The following CMIP variants were observed in gnomAD, a reference collection of about 807,000 sequenced individuals.
CMIP encodes the protein c-Maf inducing protein, also known as C-Maf-inducing protein.
CMIP carries 13 observed loss-of-function variants against 97.3 expected under a neutral mutation model. The observed-to-expected ratio is 0.13, with a 90% CI of 0.09 to 0.21. CMIP has a LOEUF of 0.21. Ranked by LOEUF, CMIP falls within the 10% of genes least tolerant of loss-of-function variation. The pLI is 1.00. For synonymous variants in CMIP, 538 were observed against 436.3 expected (o/e 1.23, Z -2.91); for missense variants, 847 against 1,024.9 (o/e 0.83, Z 2.37).
At chr16:81,705,040 T>C (rs1907975072) in intron 18 of CMIP, among the ~76,000 whole-genome samples, 1 of 152,092 alleles carries the variant, frequency 6.6e-6, no homozygotes, top group African/African-American at 2.4e-5. Flanking sequence ...CTCAGTACTC[T>C]GCACAGGGCA....
At chr16:81,554,592 T>G (rs2090724701) in intron 1 of CMIP, among the ~76,000 whole-genome samples, 1 of 152,236 alleles carries the variant, frequency 6.6e-6, no homozygotes, top group African/African-American at 2.4e-5. Context: ...GAATTCATGT[T>G]TACCTCCAGA....
At chr16:81,554,616 G>A (rs561159677) in intron 1 of CMIP, among the ~76,000 whole-genome samples, 1 of 152,178 alleles carries the variant, frequency 6.6e-6, no homozygotes, top group Non-Finnish European at 1.5e-5. Context: ...CTACTTTCTG[G>A]CTCAGAGCTG....
chr16:81,709,469 C>G (rs1323287183), intron 20 of CMIP, among the ~76,000 whole-genome samples: 1 of 152,176 alleles, frequency 6.6e-6, no homozygotes, highest in East Asian at 1.9e-4. Context: ...GGATTCAAAC[C>G]CCAGTGCTTC....
intron 1 of CMIP, among the ~76,000 whole-genome samples, chr16:81,578,096 C>G (rs1340410245): frequency 6.6e-6 from 1 of 151,340 alleles, no homozygotes; most frequent in African/African-American, 2.4e-5. Context: ...CACCATCATC[C>G]CAATTACCAC....
chr16:81,465,727 G>A (rs1907163216), intron 1 of CMIP, among the ~76,000 whole-genome samples: 1 of 152,226 alleles, frequency 6.6e-6, no homozygotes, highest in Non-Finnish European at 1.5e-5. Flanking sequence ...TGGGCAGAGT[G>A]ACCCAGCACG....
At chr16:81,540,675 TGTGTGTG>T in intron 1 of CMIP, among the ~76,000 whole-genome samples, 1 of 151,184 alleles carries the variant, frequency 6.6e-6, no homozygotes, top group Non-Finnish European at 1.5e-5. Flanking sequence ...TGTGTGTGTG[TGTGTGTG>T]TGTTTGTTTT....
chr16:81,573,200 C>T (rs542174562), intron 1 of CMIP, among the ~76,000 whole-genome samples: 69 of 152,034 alleles, frequency 4.5e-4, no homozygotes, highest in Non-Finnish European at 7.6e-4. Flanking sequence ...AAACGTTAGC[C>T]GGGCGTGGTG....
chr16:81,465,890 G>A (rs1194203016), intron 1 of CMIP, among the ~76,000 whole-genome samples: 4 of 152,234 alleles, frequency 2.6e-5, no homozygotes, highest in Admixed American at 2.6e-4. Context: ...GCTGTGGGGT[G>A]AACCAAACAC....
At chr16:81,688,485 C>A (rs1057050903) in intron 10 of CMIP, among the ~76,000 whole-genome samples, 1 of 152,204 alleles carries the variant, frequency 6.6e-6, no homozygotes, top group African/African-American at 2.4e-5. Context: ...AACCTCTGAG[C>A]CTCCAGTTCG....
intron 1 of CMIP, chr16:81,464,106 G>A (rs1312304067): frequency 2.6e-5 from 4 of 152,398 alleles, no homozygotes; most frequent in African/African-American, 9.6e-5. Flanking sequence ...GTGATCTTCT[G>A]AGGGAGCCGC....
At position 81,707,091 on chromosome 16, in the gene CMIP, C is replaced by A; in HGVS notation, c.2268+7C>A. The A allele has an allele frequency of 6.2e-7, 1 of 1,612,156 alleles. No individual in the cohort carries two copies. The highest frequency in any genetic ancestry group is 8.5e-7 in the Non-Finnish European group (1 of 1,178,324). Reference sequence around the variant, plus strand: ...CACCTACGAAGATCTGAAGGTAATTCCCTCCTTCCTCCCCACTCTCCTCCC... The same window carrying A: ...CACCTACGAAGATCTGAAGGTAATTACCTCCTTCCTCCCCACTCTCCTCCC... On this transcript the variant is annotated splice_region_variant and intron_variant, in intron 20 of 20. Transcript: ENST00000537098.
intron 1 of CMIP, among the ~76,000 whole-genome samples, chr16:81,577,271 CCAT>C (rs1221417980): frequency 4.0e-5 from 6 of 150,566 alleles, no homozygotes; most frequent in Non-Finnish European, 5.9e-5. Context: ...ACCATCACCA[CCAT>C]CATCACCATC....
At chr16:81,619,701 G>C (rs1456990443) in intron 2 of CMIP, 4 of 152,256 alleles carry the variant, frequency 2.6e-5, no homozygotes, top group African/African-American at 9.6e-5. Context: ...GCAGGGGTCA[G>C]ATTACCTGGG....
intron 1 of CMIP, among the ~76,000 whole-genome samples, chr16:81,576,538 A>G (rs2091192160): frequency 6.6e-6 from 1 of 152,172 alleles, no homozygotes; most frequent in Non-Finnish European, 1.5e-5. Flanking sequence ...TATTATGTCC[A>G]TTTTACAATG....
intron 13 of CMIP, among the ~76,000 whole-genome samples, chr16:81,694,300 C>G (rs1176792577): frequency 6.6e-6 from 1 of 152,164 alleles, no homozygotes; most frequent in Non-Finnish European, 1.5e-5. Flanking sequence ...CCCTAACTCC[C>G]AGTTGAGGAC....
At chr16:81,706,278 G>C (rs1908129226) in intron 19 of CMIP, among the ~76,000 whole-genome samples, 1 of 152,220 alleles carries the variant, frequency 6.6e-6, no homozygotes, top group Admixed American at 6.5e-5. Context: ...TTCCCGGGGA[G>C]GTGCTGTTGA....
rs147188903 is a variant in CMIP, at chr16:81,677,581, C to T, written c.1035-694C>T. Among the ~76,000 whole-genome samples the T allele has an allele frequency of 2.5e-3, 378 of 152,256 alleles. 9 individuals carry two copies. The highest frequency in any genetic ancestry group is 0.023 in the Admixed American group (346 of 15,286). The stretch of plus-strand genomic sequence containing the variant: ...TCTGACAAGTCCTGCCATTAAGAGG[C>T]CTAATTTCATCTTGTTTGCCCAGTG... On this transcript the variant is annotated intron_variant, in intron 9 of 20. Transcript: ENST00000537098.
At position 81,701,765 on chromosome 16, in the gene CMIP, C is replaced by A. The variant is rs373433881; in HGVS notation, c.1861C>A (p.Gln621Lys). ...AGACGTGGGGAAGCGCATGTACGAG[C>A]AGCTGTGTGACCGGCAGCGGGAGCT... ...STDVGKRMYE[Q>K]LCDRQRELKE... Residue 621 changes from glutamine to lysine, a missense_variant, in exon 16 of 21, where the codon CAG becomes AAG. This residue lies in a region of CMIP where 266 missense variants were observed against 384.2 expected (regional missense o/e 0.69). Coordinates refer to ENST00000537098, the MANE Select transcript of CMIP (RefSeq NM_198390.3). 1.5e-5 allele frequency: 24 copies of A among 1,613,836 alleles called. No homozygotes were observed. The highest frequency in any genetic ancestry group is 1.2e-4 in the Admixed American group (7 of 60,030).
At chr16:81,588,849 C>G (rs1182321902) in intron 1 of CMIP, among the ~76,000 whole-genome samples, 1 of 152,022 alleles carries the variant, frequency 6.6e-6, no homozygotes, top group Non-Finnish European at 1.5e-5. Context: ...TTCCTGTGGC[C>G]CTGTCTCCTG....
Sources: allele counts gnomAD v4.1 joint callset (sites outside exome capture counted in the v4.1 genomes callset), GRCh38; gene constraint gnomAD v4.1.1; regional missense constraint gnomAD v4.1.1; transcripts MANE v1.5; gene names NCBI Gene and HGNC (gene_info 2026-07-23, HGNC 2026-07-21).